The following FEZ1 variants were observed in gnomAD, a reference collection of about 807,000 sequenced individuals.
The protein encoded by FEZ1 is fasciculation and elongation protein zeta-1.
Under a neutral mutation model 49.3 loss-of-function variants are expected in FEZ1, and 20 were observed. That is an observed-to-expected ratio of 0.41 (90% CI 0.29 to 0.59). The LOEUF is 0.59. FEZ1 is among the 20% of genes least tolerant of loss of function. FEZ1 has a pLI of 0.36. For synonymous variants in FEZ1, 170 were observed against 180.9 expected (o/e 0.94, Z 0.48); for missense variants, 413 against 476.0 (o/e 0.87, Z 1.23).
chr11:125,482,859 G>A (rs1167791367), intron 2 of FEZ1, among the ~76,000 whole-genome samples: 1 of 151,418 alleles, frequency 6.6e-6, no homozygotes, highest in Non-Finnish European at 1.5e-5. Context: ...AGCTACTTGA[G>A]AGGCTTGAAG....
intron 4 of FEZ1, among the ~76,000 whole-genome samples, chr11:125,462,842 T>C (rs1198121648): frequency 4.0e-5 from 6 of 148,270 alleles, no homozygotes; most frequent in African/African-American, 1.5e-4. Context: ...CCACTAAAAG[T>C]ACAGAAAATT....
chr11:125,458,906 G>A (rs1054810440), intron 5 of FEZ1, among the ~76,000 whole-genome samples: 8 of 151,874 alleles, frequency 5.3e-5, no homozygotes, highest in African/African-American at 1.4e-4. Flanking sequence ...TCTCTACTAA[G>A]AATATAAAAA....
intron 2 of FEZ1, among the ~76,000 whole-genome samples, chr11:125,484,511 C>T (rs941814923): frequency 8.6e-5 from 13 of 152,030 alleles, no homozygotes; most frequent in African/African-American, 3.1e-4. Flanking sequence ...ACTGGCTCTG[C>T]GTGAAAATTA....
intron 8 of FEZ1, 34 bp from the exon 9 acceptor site, chr11:125,448,601 C>G (rs1424838836): frequency 3.5e-6 from 5 of 1,440,340 alleles, no homozygotes; most frequent in Admixed American, 3.3e-5. Context: ...AACTAAGATA[C>G]CATCTGGTCA....
At chr11:125,488,714 C>T in intron 2 of FEZ1, 11 of 984,342 alleles carry the variant, frequency 1.1e-5, no homozygotes, top group Non-Finnish European at 1.3e-5. Context: ...CAAAAAAACA[C>T]ATCCCCCGAG....
intron 2 of FEZ1, among the ~76,000 whole-genome samples, chr11:125,486,090 A>G (rs1162050255): frequency 6.6e-6 from 1 of 152,230 alleles, no homozygotes; most frequent in Non-Finnish European, 1.5e-5. Context: ...AAAAATCACA[A>G]TTATGTGTAG....
intron 2 of FEZ1, among the ~76,000 whole-genome samples, chr11:125,483,715 G>C (rs1957304167): frequency 6.6e-6 from 1 of 152,220 alleles, no homozygotes; most frequent in Non-Finnish European, 1.5e-5. Context: ...TGTCCCTGCA[G>C]GAAGTGCCCA....
intron 2 of FEZ1, 173 bp from the exon 3 acceptor site, chr11:125,481,806 A>G: frequency 1.6e-6 from 1 of 616,956 alleles, no homozygotes; most frequent in Non-Finnish European, 2.9e-6. Flanking sequence ...AGGCACATCC[A>G]GGGGAGAAAG....
Position 125,495,177 on chromosome 11 carries a change from C to A in FEZ1, c.-46+944G>T, listed in dbSNP as rs754071216. 7.3e-5 allele frequency: 26 copies of A among 357,870 alleles called. No individual in the cohort carries two copies. Among genetic ancestry groups the A allele is most frequent in the Non-Finnish European group, 1.3e-4 (22 of 171,910 alleles). 22.2% of individuals were successfully genotyped at this position (357,870 alleles called of 1,614,324 possible). A position where few individuals can be genotyped will look rare whatever the true frequency, so the allele number is the denominator to read the frequency against. On this transcript the variant is annotated intron_variant, in intron 1 of 9. Transcript: ENST00000278919. The surrounding 1 kb of genome is among the most constrained non-coding windows in gnomAD (Gnocchi z 4.2). ...CCTCCATCTCAGATCCCCCTCCTCC[C>A]CCCAGTCCGGTGGGGTAAAGAAAGC... is the stretch of plus-strand genomic sequence containing the variant.
rs751563105 is a variant in FEZ1 at position 125,489,487 on chromosome 11, C to T, written c.291G>A (p.Glu97=). 5 of 1,613,666 alleles carry T rather than the reference C, an allele frequency of 3.1e-6. No homozygotes were observed. In the Admixed American group the frequency reaches 8.3e-5, roughly 27 times the overall value. Residue 97 remains glutamate (E), a synonymous_variant, in exon 2 of 10, where the codon GAG becomes GAA. Coordinates refer to ENST00000278919, the MANE Select transcript of FEZ1 (RefSeq NM_005103.5). The surrounding 1 kb of genome is among the most constrained non-coding windows in gnomAD (Gnocchi z 4.2). ...VKNQLQIQEE[E]ETLQDEEVWD... is the part of the protein sequence containing the mutation. ...CTTACTCCTCGTCCTGAAGGGTCTC[C>T]TCCTCCTCTTGGATCTGTAACTGGT...
At chr11:125,459,874 A>C (rs1265580228) in intron 5 of FEZ1, among the ~76,000 whole-genome samples, 1 of 152,236 alleles carries the variant, frequency 6.6e-6, no homozygotes, top group Admixed American at 6.5e-5. Context: ...AGGCAGGCAG[A>C]TCACTTGAGG....
intron 3 of FEZ1, among the ~76,000 whole-genome samples, chr11:125,471,193 A>G (rs1957179992): frequency 1.3e-5 from 2 of 152,174 alleles, no homozygotes; most frequent in Non-Finnish European, 2.9e-5. Flanking sequence ...GAACAACAAA[A>G]CAGCAACAAA....
intron 8 of FEZ1, among the ~76,000 whole-genome samples, chr11:125,449,776 C>T (rs1246668660): frequency 6.6e-6 from 1 of 152,272 alleles, no homozygotes; most frequent in South Asian, 2.1e-4. Flanking sequence ...CACTTCATTT[C>T]GATATCCTTG....
intron 1 of FEZ1, among the ~76,000 whole-genome samples, chr11:125,494,001 T>C (rs1957432207): frequency 6.6e-6 from 1 of 152,174 alleles, no homozygotes; most frequent in South Asian, 2.1e-4. Context: ...AATGGATTCA[T>C]CTAGAAAATT....
intron 6 of FEZ1, among the ~76,000 whole-genome samples, chr11:125,454,712 C>A (rs1331894289): frequency 1.3e-5 from 2 of 152,070 alleles, no homozygotes; most frequent in African/African-American, 2.4e-5. Context: ...CTACTGAGCT[C>A]CCCTGATTAA....
intron 9 of FEZ1, among the ~76,000 whole-genome samples, chr11:125,447,070 A>G (rs1364652248): frequency 6.6e-6 from 1 of 152,192 alleles, no homozygotes; most frequent in Non-Finnish European, 1.5e-5. Flanking sequence ...AAAATAATAG[A>G]TCTAGACAGT....
intron 1 of FEZ1, among the ~76,000 whole-genome samples, chr11:125,493,414 G>GAA (rs1565306937): frequency 1.4e-5 from 1 of 71,546 alleles, no homozygotes; most frequent in Admixed American, 1.6e-4. Context: ...AAGAAAGAAA[G>GAA]AAAGAAAGAA....
intron 4 of FEZ1, among the ~76,000 whole-genome samples, chr11:125,462,462 C>T (rs965938269): frequency 2.0e-5 from 3 of 152,146 alleles, no homozygotes; most frequent in Non-Finnish European, 4.4e-5. Flanking sequence ...CACACAAAAG[C>T]CTCATCTGTC....
At position 125,445,002 on chromosome 11, in the gene FEZ1, G is replaced by A. The variant is rs1159066015; in HGVS notation, c.*1093C>T. ...GGATATGGGAATTGGCAGGCTCAAT[G>A]TCTTTCAAGCCAGAAGACGGAAGCC... is the stretch of plus-strand genomic sequence containing the variant. On this transcript the variant is annotated 3_prime_UTR_variant, in exon 10 of 10. Coordinates refer to ENST00000278919, the MANE Select transcript of FEZ1 (RefSeq NM_005103.5). This position sits in a 1 kb window ranked among gnomAD's most constrained non-coding sequence, Gnocchi z 4.4. Among the ~76,000 whole-genome samples the A allele has an allele frequency of 6.6e-6, 1 of 152,224 alleles. No homozygotes were observed. Among genetic ancestry groups the A allele is most frequent in the African/African-American group, 2.4e-5 (1 of 41,456 alleles).
Sources: gnomAD v4.1 joint callset for allele counts (sites outside exome capture counted in the v4.1 genomes callset) on GRCh38, gnomAD v4.1.1 for gene constraint, Gnocchi (gnomAD v3.1) non-coding constraint, MANE v1.5 for transcripts, NCBI Gene and HGNC (gene_info 2026-07-23, HGNC 2026-07-21) for gene names.